The following CDK5RAP2 variants were observed in gnomAD, a reference collection of about 807,000 sequenced individuals.
CDK5RAP2 encodes CDK5 regulatory subunit associated protein 2.
CDK5RAP2 carries 147 observed loss-of-function variants against 232.9 expected under a neutral mutation model. The ratio of observed to expected loss-of-function variants is 0.63; its 90% CI spans 0.55 to 0.72. The LOEUF (loss-of-function observed/expected upper bound fraction) is 0.72. Ranked by LOEUF, CDK5RAP2 falls within the 30% of genes least tolerant of loss-of-function variation. The pLI is 0.00. For synonymous variants in CDK5RAP2, 833 were observed against 833.7 expected (o/e 1.00, Z 0.01); for missense variants, 2,195 against 2,231.5 (o/e 0.98, Z 0.33).
chr9:120,447,770 T>C, intron 22 of CDK5RAP2, 125 bp downstream of exon 22: 3 of 789,882 alleles, frequency 3.8e-6, no homozygotes, highest in Non-Finnish European at 4.6e-6. Context: ...TCAAGATTAA[T>C]CACTGCAATT....
At chr9:120,512,860 G>A (rs2040159572) in intron 12 of CDK5RAP2, among the ~76,000 whole-genome samples, 1 of 151,380 alleles carries the variant, frequency 6.6e-6, no homozygotes, top group South Asian at 2.1e-4. Context: ...GGCAATCTTT[G>A]TAAACTGTAA....
chr9:120,471,287 C>T lies in CDK5RAP2; in HGVS notation c.1858+461G>A, dbSNP rs548147071. On this transcript the variant is annotated intron_variant, in intron 16 of 37. Coordinates refer to ENST00000349780, the MANE Select transcript of CDK5RAP2 (RefSeq NM_018249.6). The stretch of plus-strand genomic sequence containing the variant: ...TACAGAAAACATAAGTCCCACAGGA[C>T]CCTCATCTTGTAGCCCTCCCTTAAT... Among the ~76,000 whole-genome samples the T allele has an allele frequency of 2.6e-4, 39 of 152,282 alleles. 1 individual carries two copies. Among genetic ancestry groups the T allele is most frequent in the African/African-American group, 8.7e-4 (36 of 41,560 alleles).
chr9:120,527,530 A>AT (rs60113971), intron 10 of CDK5RAP2, among the ~76,000 whole-genome samples: 1 of 151,622 alleles, frequency 6.6e-6, no homozygotes, highest in Non-Finnish European at 1.5e-5. Context: ...ATATATATAT[A>AT]ATTAAAATTA....
intron 1 of CDK5RAP2, among the ~76,000 whole-genome samples, chr9:120,576,655 T>A (rs997582806): frequency 2.6e-5 from 4 of 152,142 alleles, no homozygotes; most frequent in African/African-American, 9.7e-5. Context: ...TGAGCCGAAA[T>A]TGCGCCACTG....
chr9:120,498,053 C>T (rs1243539013), intron 12 of CDK5RAP2, among the ~76,000 whole-genome samples: 1 of 152,196 alleles, frequency 6.6e-6, no homozygotes, highest in East Asian at 1.9e-4. Flanking sequence ...AACCTGCTCT[C>T]CGTTATCTCA....
chr9:120,507,910 TAAAAAAAAA>T (rs1161123095), intron 12 of CDK5RAP2, among the ~76,000 whole-genome samples: 23 of 59,418 alleles, frequency 3.9e-4, no homozygotes, highest in South Asian at 2.5e-3. Context: ...ACTGGCTGAT[TAAAAAAAAA>T]AAAAAAAAAA....
chr9:120,560,643 G>GTC (rs1481639262), intron 3 of CDK5RAP2, among the ~76,000 whole-genome samples: 1 of 152,110 alleles, frequency 6.6e-6, no homozygotes, highest in Non-Finnish European at 1.5e-5. Context: ...TGAGACAAGA[G>GTC]TCTCTCTCTG....
chr9:120,422,772 G>A lies in CDK5RAP2; in HGVS notation c.3956-31C>T, dbSNP rs746758741. 3.8e-6 allele frequency: 6 copies of A among 1,584,442 alleles called. No individual in the cohort carries two copies. In the Admixed American group the frequency reaches 5.0e-5, roughly 13 times the overall value. ...AGCAGAAATAACATCAAGAAAGGAG[G>A]AGAAAAAAATGTTTTTAAGTGTTCC... On this transcript the variant is annotated intron_variant, in intron 25 of 37. Coordinates refer to ENST00000349780, the MANE Select transcript of CDK5RAP2 (RefSeq NM_018249.6).
Position 120,419,848 on chromosome 9 carries a change from C to A in CDK5RAP2, c.4117G>T (p.Asp1373Tyr), listed in dbSNP as rs1434882771. 7 of 1,613,970 alleles carry A rather than the reference C, an allele frequency of 4.3e-6. No homozygotes were observed. In the South Asian group the frequency reaches 6.6e-5, roughly 15 times the overall value. Residue 1373 changes from aspartate (D) to tyrosine (Y), a missense_variant, in exon 27 of 38, where the codon GAC (aspartate) becomes TAC (tyrosine). By Grantham distance (160) the Asp-to-Tyr change is radical. Coordinates refer to ENST00000349780, the MANE Select transcript of CDK5RAP2 (RefSeq NM_018249.6). ...TCTGTCTCATTATCTTGCTTCTGGTCTCGTGAGAAGAAGGACTTTTCAGAT... is the reference window on the plus strand; with the variant it reads ...TCTGTCTCATTATCTTGCTTCTGGTATCGTGAGAAGAAGGACTTTTCAGAT... ...ETSEKSFFSRDQKQDNETEKT... is the reference protein window; with the variant it reads ...ETSEKSFFSRYQKQDNETEKT...
At chr9:120,443,910 A>T (rs1045013209) in intron 22 of CDK5RAP2, among the ~76,000 whole-genome samples, 168 bp from the exon 23 acceptor site, 2 of 152,276 alleles carry the variant, frequency 1.3e-5, no homozygotes, top group Non-Finnish European at 2.9e-5. Flanking sequence ...ATAACAGGAC[A>T]TAAAAAGCAT....
intron 25 of CDK5RAP2, among the ~76,000 whole-genome samples, chr9:120,432,819 T>G (rs1354637237): frequency 1.3e-5 from 2 of 152,104 alleles, no homozygotes; most frequent in Non-Finnish European, 1.5e-5. Flanking sequence ...CACTCTCAGC[T>G]CTCCACTTCC....
chr9:120,491,202 C>T (rs2038885798), intron 13 of CDK5RAP2, 105 bp downstream of exon 13: 1 of 889,160 alleles, frequency 1.1e-6, no homozygotes, highest in Admixed American at 2.0e-5. Context: ...TATTCTGAAA[C>T]ATAGCAATGA....
At chr9:120,468,733 C>CCT (rs1436288090) in intron 17 of CDK5RAP2, among the ~76,000 whole-genome samples, 1 of 152,176 alleles carries the variant, frequency 6.6e-6, no homozygotes, top group Non-Finnish European at 1.5e-5. Flanking sequence ...AGAGCAGCTG[C>CCT]CTCTACACAG....
chr9:120,448,471 C>A (rs140639246), intron 21 of CDK5RAP2, among the ~76,000 whole-genome samples: 82 of 152,328 alleles, frequency 5.4e-4, no homozygotes, highest in African/African-American at 1.9e-3. Flanking sequence ...CCCAAACATT[C>A]CTCAGTCTAA....
At chr9:120,470,064 A>C (rs772878790) in intron 17 of CDK5RAP2, 47 bp downstream of exon 17, 3 of 959,408 alleles carry the variant, frequency 3.1e-6, no homozygotes, top group Non-Finnish European at 3.3e-6. Context: ...ACAACAAACA[A>C]TCTAACAAAA....
At chr9:120,556,471 C>CA (rs1008600719) in intron 3 of CDK5RAP2, among the ~76,000 whole-genome samples, 1 of 151,750 alleles carries the variant, frequency 6.6e-6, no homozygotes, top group African/African-American at 2.4e-5. Context: ...CTCTGTCACC[C>CA]AGGCTGGAGT....
chr9:120,520,200 A>C (rs1431990740), intron 11 of CDK5RAP2, among the ~76,000 whole-genome samples: 1 of 152,262 alleles, frequency 6.6e-6, no homozygotes, highest in Non-Finnish European at 1.5e-5. Context: ...TACACAAATC[A>C]TCAGTGTATA....
chr9:120,528,064 G>T, intron 9 of CDK5RAP2, 139 bp from the exon 10 acceptor site: 1 of 1,214,078 alleles, frequency 8.2e-7, no homozygotes, highest in Non-Finnish European at 1.2e-6. Context: ...TCCAAGTGGA[G>T]CTGAACATAG....
chr9:120,448,059 A>G lies in CDK5RAP2; in HGVS notation c.2861T>C (p.Leu954Pro). The G allele has an allele frequency of 6.2e-7, 1 of 1,614,136 alleles. No homozygotes were observed. Among genetic ancestry groups the G allele is most frequent in the Non-Finnish European group, 8.5e-7 (1 of 1,180,004 alleles). ...CGTCACCACCTCCTGGGTGGCAGGG[A>G]GACGATACATATTTCCTAATGACCG... ...PSRSLGNMYRLPATQEVVTQL... is the reference protein window; with the variant it reads ...PSRSLGNMYRPPATQEVVTQL... Residue 954 changes from leucine (L) to proline (P), a missense_variant, in exon 22 of 38, where the codon CTC becomes CCC. Coordinates refer to ENST00000349780, the MANE Select transcript of CDK5RAP2 (RefSeq NM_018249.6).
Sources: gnomAD v4.1 joint callset for allele counts (sites outside exome capture counted in the v4.1 genomes callset) on GRCh38, gnomAD v4.1.1 for gene constraint, MANE v1.5 for transcripts, NCBI Gene and HGNC (gene_info 2026-07-23, HGNC 2026-07-21) for gene names.